The following IL1RAPL2 variants were observed in gnomAD, a reference collection of about 807,000 sequenced individuals.
IL1RAPL2 encodes interleukin 1 receptor accessory protein like 2, also known as X-linked interleukin-1 receptor accessory protein-like 2.
In IL1RAPL2, 3 loss-of-function variants were observed where a neutral mutation model predicts 44.1. The observed-to-expected ratio is 0.07, with a 90% CI of 0.03 to 0.18. The LOEUF (loss-of-function observed/expected upper bound fraction) is 0.18, where lower values mean the gene tolerates loss of function less well. IL1RAPL2 is among the 10% of genes least tolerant of loss of function. IL1RAPL2 has a pLI of 1.00. For missense variants in IL1RAPL2, 391 were observed against 496.4 expected (o/e 0.79, Z 2.02); for synonymous variants, 181 against 178.8 (o/e 1.01, Z -0.10).
intron 2 of IL1RAPL2, among the ~76,000 whole-genome samples, chrX:105,027,618 T>A (rs915991466): frequency 9.0e-6 from 1 of 111,362 alleles, no homozygotes; most frequent in Non-Finnish European, 1.9e-5. Flanking sequence ...AAATCAAAAC[T>A]ACAATGAGAC....
intron 6 of IL1RAPL2, among the ~76,000 whole-genome samples, chrX:105,630,164 T>C (rs1002377992): frequency 9.0e-6 from 1 of 111,496 alleles, no homozygotes; most frequent in Non-Finnish European, 1.9e-5. Context: ...TGGGAAGCTA[T>C]TCAGTTTCCC....
intron 2 of IL1RAPL2, among the ~76,000 whole-genome samples, chrX:105,004,438 A>C (rs2030907276): frequency 9.1e-6 from 1 of 110,431 alleles, no homozygotes; most frequent in South Asian, 3.8e-4. Flanking sequence ...TTTCAAAAAA[A>C]ATTCCCATCT....
At chrX:104,961,325 C>G (rs1241375188) in intron 2 of IL1RAPL2, among the ~76,000 whole-genome samples, 1 of 111,686 alleles carries the variant, frequency 9.0e-6, no homozygotes, top group African/African-American at 3.3e-5. Context: ...CTTCTGGATC[C>G]TGAGCCCTTT....
At chrX:104,920,921 A>G (rs1407082887) in intron 2 of IL1RAPL2, among the ~76,000 whole-genome samples, 2 of 110,871 alleles carry the variant, frequency 1.8e-5, no homozygotes, top group South Asian at 7.9e-4. Flanking sequence ...CTGAAATTCA[A>G]TAGAGAAGTG....
rs991782984 is a variant in IL1RAPL2 at position 104,957,831 on chromosome X, C to T, written c.83-237644C>T. On this transcript the variant is annotated intron_variant, in intron 2 of 10. Coordinates refer to ENST00000372582, the MANE Select transcript of IL1RAPL2 (RefSeq NM_017416.2). ...GGCACAGTGGCTCATGCCTATAATT[C>T]GAGCACTTTGGGAGGCCAAGGGAGG... Among the ~76,000 whole-genome samples, 13 of 111,389 alleles carry T rather than the reference C, an allele frequency of 1.2e-4. No individual in the cohort carries two copies. In the East Asian group the frequency reaches 2.6e-3, roughly 22 times the overall value.
intron 2 of IL1RAPL2, among the ~76,000 whole-genome samples, chrX:105,131,398 A>G (rs901415329): frequency 1.4e-4 from 16 of 110,618 alleles, no homozygotes; most frequent in African/African-American, 4.9e-4. Context: ...ACAGCCATAT[A>G]TAATTATATA....
intron 2 of IL1RAPL2, among the ~76,000 whole-genome samples, chrX:104,888,904 C>T (rs1923337529): frequency 1.8e-5 from 2 of 111,691 alleles, no homozygotes; most frequent in African/African-American, 6.5e-5. Flanking sequence ...TCACCTATTA[C>T]ACAAGCAATG....
intron 2 of IL1RAPL2, among the ~76,000 whole-genome samples, chrX:105,032,752 C>T (rs1665189923): frequency 9.0e-6 from 1 of 111,158 alleles, no homozygotes; most frequent in Admixed American, 9.6e-5. Flanking sequence ...TCGCTTGGTA[C>T]AGAGATGAGT....
chrX:105,339,045 G>T (rs775006781), intron 5 of IL1RAPL2, among the ~76,000 whole-genome samples: 1 of 111,985 alleles, frequency 8.9e-6, no homozygotes, highest in Non-Finnish European at 1.9e-5. Flanking sequence ...AGAGGTTGCA[G>T]TGAGCCAATA....
chrX:104,705,979 A>AG (rs1931358092), intron 2 of IL1RAPL2, among the ~76,000 whole-genome samples: 1 of 112,263 alleles, frequency 8.9e-6, no homozygotes, highest in Non-Finnish European at 1.9e-5. Flanking sequence ...ATTCTATAAA[A>AG]TATTAATACT....
At chrX:104,825,307 C>A (rs963105427) in intron 2 of IL1RAPL2, among the ~76,000 whole-genome samples, 2 of 111,979 alleles carry the variant, frequency 1.8e-5, no homozygotes, top group Admixed American at 9.5e-5. Flanking sequence ...AGGCCGCTAA[C>A]AGTGCAGCCC....
chrX:104,585,270 AT>A (rs1928498207), intron 1 of IL1RAPL2, among the ~76,000 whole-genome samples: 2 of 20,468 alleles, frequency 9.8e-5, no homozygotes, highest in Non-Finnish European at 1.4e-4. Context: ...TATATAATAT[AT>A]TATATATATT....
intron 6 of IL1RAPL2, among the ~76,000 whole-genome samples, chrX:105,511,227 A>C (rs2036467454): frequency 9.0e-6 from 1 of 111,692 alleles, no homozygotes; most frequent in Admixed American, 9.6e-5. Context: ...ATTCGAGAAA[A>C]GGTCATTGGT....
At chrX:105,089,208 C>G (rs1380611673) in intron 2 of IL1RAPL2, among the ~76,000 whole-genome samples, 2 of 111,133 alleles carry the variant, frequency 1.8e-5, no homozygotes, top group East Asian at 2.8e-4. Flanking sequence ...AACCTATTTT[C>G]AGCCATGATA....
intron 6 of IL1RAPL2, among the ~76,000 whole-genome samples, chrX:105,676,817 A>G (rs1398476267): frequency 8.9e-6 from 1 of 112,086 alleles, no homozygotes. Context: ...ACTCAATTAC[A>G]TAGTATTTTT....
chrX:104,585,226 A>ATG (rs1207318964), intron 1 of IL1RAPL2, among the ~76,000 whole-genome samples: 1 of 54,308 alleles, frequency 1.8e-5, no homozygotes, highest in East Asian at 5.3e-4. Flanking sequence ...ATATGTATAT[A>ATG]TGTGTATATA....
intron 6 of IL1RAPL2, among the ~76,000 whole-genome samples, chrX:105,608,493 C>T (rs2037312121): frequency 9.0e-6 from 1 of 111,693 alleles, no homozygotes; most frequent in African/African-American, 3.2e-5. Context: ...AATATTTTAT[C>T]CAACAAAAAA....
intron 6 of IL1RAPL2, among the ~76,000 whole-genome samples, chrX:105,558,638 T>G (rs992895019): frequency 8.9e-6 from 1 of 112,349 alleles, no homozygotes; most frequent in African/African-American, 3.2e-5. Flanking sequence ...GGTTTCATGA[T>G]TTTCCAGAAA....
chrX:105,256,256 G>A (rs1179193763), intron 4 of IL1RAPL2, among the ~76,000 whole-genome samples: 2 of 110,791 alleles, frequency 1.8e-5, no homozygotes, highest in Non-Finnish European at 1.9e-5. Flanking sequence ...GTAGAATTTC[G>A]CTATGAATCC....
Sources: gnomAD v4.1 joint callset for allele counts (sites outside exome capture counted in the v4.1 genomes callset) on GRCh38, gnomAD v4.1.1 for gene constraint, MANE v1.5 for transcripts, NCBI Gene and HGNC (gene_info 2026-07-23, HGNC 2026-07-21) for gene names.